The following AMN1 variants were observed in gnomAD, a reference collection of about 807,000 sequenced individuals.
AMN1 encodes antagonist of mitotic exit network 1 homolog.
AMN1 carries 20 observed loss-of-function variants against 33.0 expected under a neutral mutation model. The ratio of observed to expected loss-of-function variants is 0.61; its 90% CI spans 0.43 to 0.88. AMN1 has a LOEUF of 0.88. Among genes scored for constraint, AMN1 ranks in the 40% least tolerant of loss-of-function variants. The pLI, the probability that AMN1 is intolerant of heterozygous loss-of-function variation, is 0.00. For synonymous variants in AMN1, 114 were observed against 111.9 expected, an observed-to-expected ratio of 1.02 and a Z score of -0.12; for missense variants, 246 against 307.4, an observed-to-expected ratio of 0.80 and a Z score of 1.49.
chr12:31,697,212 A>G (rs1055007017), intron 5 of AMN1, 149 bp downstream of exon 5: 8 of 505,980 alleles, frequency 1.6e-5, no homozygotes, highest in Non-Finnish European at 2.4e-5. Flanking sequence ...ATTTTTATTT[A>G]CTCTGGCAAT....
chr12:31,705,090 C>A (rs1178382690), intron 2 of AMN1, among the ~76,000 whole-genome samples: 1 of 152,140 alleles, frequency 6.6e-6, no homozygotes, highest in Non-Finnish European at 1.5e-5. Flanking sequence ...CAAATGCAAG[C>A]TAACATGAAG....
In AMN1 at chr12:31,681,894, G is replaced by A. The variant is rs113563987; in HGVS notation, c.703+7113C>T. Among the ~76,000 whole-genome samples, 440 of 151,738 alleles carry A rather than the reference G, an allele frequency of 2.9e-3. 2 individuals are homozygous for A. Among genetic ancestry groups the A allele is most frequent in the African/African-American group, 9.9e-3 (409 of 41,370 alleles). On this transcript the variant is annotated intron_variant, in intron 6 of 6. Transcript: ENST00000281471. ...GTTTCTCTATGTTGCCCAGGCTGGT[G>A]TCAAACTCCTGCATTCAAGCGATCC...
intron 1 of AMN1, among the ~76,000 whole-genome samples, chr12:31,714,121 C>A (rs1255112222): frequency 1.3e-5 from 2 of 151,982 alleles, no homozygotes; most frequent in South Asian, 2.1e-4. Flanking sequence ...ATTCTCAAAG[C>A]TGTACTATGA....
chr12:31,709,930 C>T (rs1939402448), intron 1 of AMN1, among the ~76,000 whole-genome samples: 2 of 152,136 alleles, frequency 1.3e-5, no homozygotes, highest in Admixed American at 1.3e-4. Context: ...AGATGCTCTT[C>T]CTCTACAATT....
At chr12:31,676,408 G>C (rs1476481270) in intron 6 of AMN1, among the ~76,000 whole-genome samples, 1 of 150,810 alleles carries the variant, frequency 6.6e-6, no homozygotes, top group Non-Finnish European at 1.5e-5. Flanking sequence ...TCAGGAGTTT[G>C]AGACTAGCCT....
chr12:31,709,794 G>T lies in AMN1; in HGVS notation c.39-369C>A, dbSNP rs56756750. 2.2e-3 allele frequency among the ~76,000 whole-genome samples: 331 copies of T among 151,880 alleles called. 1 individual carries two copies. The highest frequency in any genetic ancestry group is 7.7e-3 in the African/African-American group (319 of 41,406). ...CAGTGAGCTGTGATTGTGCCACTAC[G>T]CTCCAGCCTGGGCAACAGAGCAAGA... On this transcript the variant is annotated intron_variant, in intron 1 of 6. Coordinates refer to ENST00000281471, the MANE Select transcript of AMN1 (RefSeq NM_001113402.2).
intron 6 of AMN1, among the ~76,000 whole-genome samples, chr12:31,675,475 T>C (rs1951366818): frequency 6.6e-6 from 1 of 150,524 alleles, no homozygotes; most frequent in Non-Finnish European, 1.5e-5. Context: ...GTTTTCTCCC[T>C]AGGATCAAGA....
intron 6 of AMN1, 54 bp downstream of exon 6, chr12:31,688,953 C>A: frequency 8.5e-7 from 1 of 1,182,852 alleles, no homozygotes; most frequent in Non-Finnish European, 1.2e-6. Context: ...TACTCAAGGT[C>A]ACACAGTAAA....
intron 1 of AMN1, among the ~76,000 whole-genome samples, chr12:31,712,287 G>A (rs1051071011): frequency 2.3e-4 from 35 of 151,734 alleles, no homozygotes; most frequent in African/African-American, 7.0e-4. Context: ...TTGCTCTGTC[G>A]CCCAGGCTAG....
At chr12:31,672,857 A>G (rs1951310681) in intron 6 of AMN1, 1 of 158,228 alleles carries the variant, frequency 6.3e-6, no homozygotes. Context: ...CCAAAGGGTT[A>G]AAGGAGGTAG....
At chr12:31,689,187 G>T in intron 5 of AMN1, 69 bp from the exon 6 acceptor site, 1 of 1,060,384 alleles carries the variant, frequency 9.4e-7, no homozygotes, top group East Asian at 2.6e-5. Flanking sequence ...GAACAATTTT[G>T]AGAAACATTC....
At chr12:31,704,425 T>C (rs1311908196) in intron 2 of AMN1, among the ~76,000 whole-genome samples, 2 of 152,138 alleles carry the variant, frequency 1.3e-5, no homozygotes, top group African/African-American at 4.8e-5. Context: ...ATTCTTTATA[T>C]TGTCAAGATA....
chr12:31,678,417 G>A (rs1357569878), intron 6 of AMN1, among the ~76,000 whole-genome samples: 1 of 149,286 alleles, frequency 6.7e-6, no homozygotes, highest in African/African-American at 2.5e-5. Flanking sequence ...TTTATGTTGA[G>A]ACAGAGTCTC....
At chr12:31,726,892 G>A (rs1167702524) in intron 1 of AMN1, among the ~76,000 whole-genome samples, 1 of 152,144 alleles carries the variant, frequency 6.6e-6, no homozygotes, top group African/African-American at 2.4e-5. Flanking sequence ...AACATTGTTA[G>A]TCTGTTTCCT....
intron 3 of AMN1, among the ~76,000 whole-genome samples, chr12:31,699,412 A>AAAG (rs1938886620): frequency 6.7e-6 from 1 of 148,336 alleles, no homozygotes; most frequent in Non-Finnish European, 1.5e-5. Context: ...AAAAAAAAAA[A>AAAG]AAAAAAAAAG....
intron 6 of AMN1, among the ~76,000 whole-genome samples, chr12:31,684,748 G>A (rs910637707): frequency 1.2e-4 from 18 of 152,236 alleles, no homozygotes; most frequent in Non-Finnish European, 1.8e-4. Context: ...TGGGATTACC[G>A]GCGTGAGCCA....
chr12:31,678,334 A>C (rs919667077), intron 6 of AMN1, among the ~76,000 whole-genome samples: 1 of 152,144 alleles, frequency 6.6e-6, no homozygotes, highest in Non-Finnish European at 1.5e-5. Flanking sequence ...ATTTTTTGAA[A>C]GATTCATGGC....
At chr12:31,698,296 T>C (rs2139688197) in intron 3 of AMN1, among the ~76,000 whole-genome samples, 1 of 152,326 alleles carries the variant, frequency 6.6e-6, no homozygotes. Flanking sequence ...AAAACAAAAA[T>C]TTTCAAGTAA....
rs375031952 is a variant in AMN1, at chr12:31,675,685, G to A, written c.704-3308C>T. Among the ~76,000 whole-genome samples the A allele has an allele frequency of 5.9e-4, 90 of 151,656 alleles. 2 individuals carry two copies. The highest frequency in any genetic ancestry group is 2.1e-3 in the African/African-American group (87 of 41,082). On this transcript the variant is annotated intron_variant, in intron 6 of 6. Coordinates refer to ENST00000281471, the MANE Select transcript of AMN1 (RefSeq NM_001113402.2). Reference sequence around the variant, plus strand: ...AATTTTTTGTATTTTTAGTGGAGACGGGGTTTAACCATGCTGGCCAGGCTG... The same window carrying A: ...AATTTTTTGTATTTTTAGTGGAGACAGGGTTTAACCATGCTGGCCAGGCTG...
Sources: gnomAD v4.1 joint callset for allele counts (sites outside exome capture counted in the v4.1 genomes callset) on GRCh38, gnomAD v4.1.1 for gene constraint, MANE v1.5 for transcripts, NCBI Gene and HGNC (gene_info 2026-07-23, HGNC 2026-07-21) for gene names.